Variants in LNX1 observed in about 807,000 individuals in gnomAD.
The protein encoded by LNX1 is E3 ubiquitin-protein ligase LNX.
Under a neutral mutation model 68.4 loss-of-function variants are expected in LNX1, and 54 were observed. The ratio of observed to expected loss-of-function variants is 0.79; its 90% CI spans 0.63 to 0.99. The LOEUF is 0.99. Among genes scored for constraint, LNX1 ranks in the 50% least tolerant of loss-of-function variants. The pLI, the probability that LNX1 is intolerant of heterozygous loss-of-function variation, is 0.00. For missense variants in LNX1, 906 were observed against 926.4 expected (o/e 0.98, Z 0.29); for synonymous variants, 336 against 350.0 (o/e 0.96, Z 0.45).
At chr4:53,593,473 C>T (rs1011062919), upstream of LNX1, among the ~76,000 whole-genome samples, 46 of 152,278 alleles carry the variant, frequency 3.0e-4, no homozygotes, top group African/African-American at 1.1e-3. Context: ...ACACAGTCAT[C>T]TACATATGTG....
At position 53,573,787 on chromosome 4, in the gene LNX1, C is replaced by A. The variant is rs1373311063; in HGVS notation, c.216G>T (p.Lys72Asn). 2.5e-6 allele frequency: 4 copies of A among 1,612,452 alleles called. No individual in the cohort carries two copies. The highest frequency in any genetic ancestry group is 3.4e-6 in the Non-Finnish European group (4 of 1,179,360). ...TLCLTNFLVEKDFCPMDRKPL... is the reference protein window; with the variant it reads ...TLCLTNFLVENDFCPMDRKPL... ...GCTTGCGGTCCATGGGACAGAAGTC[C>A]TTCTCCACCAGGAAGTTGGTGAGGC... Residue 72 changes from lysine (K) to asparagine (N), a missense_variant, in exon 2 of 11, where the codon AAG becomes AAT. Coordinates refer to ENST00000263925, the MANE Select transcript of LNX1 (RefSeq NM_001126328.3).
At chr4:53,467,857 A>ATG (rs1560611130) in intron 9 of LNX1, among the ~76,000 whole-genome samples, 1 of 152,338 alleles carries the variant, frequency 6.6e-6, no homozygotes, top group East Asian at 1.9e-4. Context: ...GACCAAATCT[A>ATG]TGTCTGATTG....
chr4:53,507,578 G>A, intron 3 of LNX1, 109 bp from the exon 4 acceptor site: 1 of 1,222,500 alleles, frequency 8.2e-7, no homozygotes, highest in Admixed American at 2.4e-5. Context: ...GACTACCTCT[G>A]GGTGGTAGGA....
At chr4:53,622,536 C>T (rs1733923687) in intron 1 of LNX1, among the ~76,000 whole-genome samples, 1 of 151,972 alleles carries the variant, frequency 6.6e-6, no homozygotes, top group African/African-American at 2.4e-5. Context: ...ACCATTATCT[C>T]CAATTTTGAC....
chr4:53,546,184 C>A (rs953226911), intron 2 of LNX1, among the ~76,000 whole-genome samples: 34 of 152,182 alleles, frequency 2.2e-4, no homozygotes, highest in Admixed American at 2.0e-3. Flanking sequence ...CTCTCTGCTG[C>A]CATCCTTTGT....
At position 53,644,308 on chromosome 4, in the gene LNX1, C is replaced by T. The variant is rs1192246690; in HGVS notation, c.-215+7860G>A. Among the ~76,000 whole-genome samples, 3 of 151,882 alleles carry T rather than the reference C, an allele frequency of 2.0e-5. 1 individual carries two copies. Among genetic ancestry groups the T allele is most frequent in the South Asian group, 4.2e-4 (2 of 4,800 alleles). On this transcript the variant is annotated intron_variant, in intron 1 of 2. Coordinates refer to the LNX1 transcript ENST00000507168. ...CCTAGCTACTTGGGAGGCTGAGGCA[C>T]GAAAATCGCTTGAACCCAGGAGGTG...
intron 1 of LNX1, among the ~76,000 whole-genome samples, chr4:53,584,568 G>T (rs996491167): frequency 2.6e-5 from 4 of 152,180 alleles, no homozygotes; most frequent in African/African-American, 9.7e-5. Context: ...AATGATAAAT[G>T]CGATCTGGAC....
At chr4:53,522,896 T>A (rs188515422) in intron 2 of LNX1, 1 of 152,362 alleles carries the variant, frequency 6.6e-6, no homozygotes, top group East Asian at 1.9e-4. Context: ...TCTTTCAATC[T>A]TTTTTCTATG....
chr4:53,625,728 G>A (rs1330076559), intron 1 of LNX1, among the ~76,000 whole-genome samples: 1 of 152,248 alleles, frequency 6.6e-6, no homozygotes, highest in Non-Finnish European at 1.5e-5. Context: ...GATTGCTTGA[G>A]CATGAGAGGT....
At chr4:53,479,808 T>C (rs1723802226) in intron 7 of LNX1, among the ~76,000 whole-genome samples, 1 of 152,246 alleles carries the variant, frequency 6.6e-6, no homozygotes, top group Admixed American at 6.5e-5. Flanking sequence ...GAATATTTGC[T>C]TTGGATATTT....
intron 2 of LNX1, among the ~76,000 whole-genome samples, chr4:53,534,055 C>T (rs1031191613): frequency 2.0e-5 from 3 of 152,160 alleles, no homozygotes; most frequent in Non-Finnish European, 2.9e-5. Context: ...GCCTACTTTA[C>T]GAGTGTATCC....
chr4:53,529,846 T>C (rs1727893634), intron 2 of LNX1, among the ~76,000 whole-genome samples: 1 of 152,132 alleles, frequency 6.6e-6, no homozygotes, highest in African/African-American at 2.4e-5. Context: ...GAAATGAACA[T>C]ACACCATCCA....
chr4:53,484,968 C>G (rs1023142245), intron 6 of LNX1, among the ~76,000 whole-genome samples: 10 of 152,174 alleles, frequency 6.6e-5, no homozygotes, highest in Admixed American at 2.6e-4. Flanking sequence ...ATCTTGAATT[C>G]CCTGGTGTTT....
At chr4:53,546,195 A>G (rs1389158755) in intron 2 of LNX1, among the ~76,000 whole-genome samples, 1 of 152,208 alleles carries the variant, frequency 6.6e-6, no homozygotes, top group Non-Finnish European at 1.5e-5. Context: ...CATCCTTTGT[A>G]TATGAAACTC....
intron 4 of LNX1, among the ~76,000 whole-genome samples, chr4:53,506,785 G>T (rs1725903829): frequency 6.8e-6 from 1 of 148,114 alleles, no homozygotes; most frequent in African/African-American, 2.5e-5. Flanking sequence ...GAACCCAGGA[G>T]GCAGAGGTTG....
Position 53,460,859 on chromosome 4 carries a change from C to CTT in LNX1, c.*46_*47dup. 6.6e-7 allele frequency: 1 copy of CTT among 1,517,722 alleles called. No individual in the cohort carries two copies. The allele number at this position is 1,517,722 out of a possible 1,614,324, so 94.0% of individuals were successfully genotyped here. A position where few individuals can be genotyped will look rare whatever the true frequency, so the allele number is the denominator to read the frequency against. ...CAAGATAAATATAGTGTTTCAACTT[C>CTT]TTAGCCTATTTGTGATTTTTCTGTT... On this transcript the variant is annotated 3_prime_UTR_variant, in exon 11 of 11. Transcript: ENST00000263925.
chr4:53,472,170 A>C (rs1176675749), intron 9 of LNX1, among the ~76,000 whole-genome samples: 3 of 152,220 alleles, frequency 2.0e-5, no homozygotes, highest in African/African-American at 4.8e-5. Context: ...AAAAAGGATG[A>C]GTTCATGTCC....
chr4:53,603,405 G>A (rs1027526066), intron 2 of LNX1: 9 of 152,232 alleles, frequency 5.9e-5, no homozygotes, highest in African/African-American at 2.2e-4. Flanking sequence ...GCAGAGCTGG[G>A]TTATAGGCAG....
chr4:53,538,612 T>A (rs189260442), intron 2 of LNX1, among the ~76,000 whole-genome samples: 1 of 152,370 alleles, frequency 6.6e-6, no homozygotes, highest in Admixed American at 6.5e-5. Context: ...AAACCTAGTA[T>A]CATGGCATGC....
Sources: gnomAD v4.1 joint callset for allele counts (sites outside exome capture counted in the v4.1 genomes callset) on GRCh38, gnomAD v4.1.1 for gene constraint, MANE v1.5 for transcripts, NCBI Gene and HGNC (gene_info 2026-07-23, HGNC 2026-07-21) for gene names.